Variants in AMDHD1 observed in about 807,000 individuals in gnomAD.
AMDHD1 encodes amidohydrolase domain containing 1, also known as probable imidazolonepropionase.
A neutral mutation model predicts 44.1 loss-of-function variants in AMDHD1; 45 were observed. That is an observed-to-expected ratio of 1.02 (90% CI 0.80 to 1.31). The LOEUF (loss-of-function observed/expected upper bound fraction) is 1.31, where lower values mean the gene tolerates loss of function less well. AMDHD1 is among the 50% of genes most tolerant of loss of function. AMDHD1 has a pLI of 0.00. For missense variants in AMDHD1, 586 were observed against 552.1 expected (o/e 1.06, Z -0.61); for synonymous variants, 206 against 205.0 (o/e 1.00, Z -0.04).
At chr12:95,948,691 C>A (rs1434767275) in intron 1 of AMDHD1, among the ~76,000 whole-genome samples, 1 of 70,210 alleles carries the variant, frequency 1.4e-5, no homozygotes, top group African/African-American at 7.4e-5. Flanking sequence ...AATAGAAAGG[C>A]GGGAAAGGCG....
chr12:95,949,170 A>AAAAAAAAAAAAC (rs2080515630), intron 1 of AMDHD1, among the ~76,000 whole-genome samples: 1 of 19,354 alleles, frequency 5.2e-5, no homozygotes, highest in Non-Finnish European at 8.2e-5. Flanking sequence ...GAAAAAAAAA[A>AAAAAAAAAAAAC]AAAAAAAAGA....
At chr12:95,966,278 GT>G in intron 7 of AMDHD1, 69 bp from the exon 8 acceptor site, 1 of 1,566,394 alleles carries the variant, frequency 6.4e-7, no homozygotes, top group Non-Finnish European at 8.7e-7. Flanking sequence ...GTTGTGCTGT[GT>G]TGAGAAATGT....
At chr12:95,954,592 T>C (rs963197527) in intron 2 of AMDHD1, among the ~76,000 whole-genome samples, 2 of 151,620 alleles carry the variant, frequency 1.3e-5, no homozygotes, top group Admixed American at 6.6e-5. Context: ...TAAAATAAAA[T>C]AAAATAAAAT....
chr12:95,946,061 C>CTCTCTGTGTGTGTG (rs1403742643), intron 1 of AMDHD1, among the ~76,000 whole-genome samples: 185 of 122,580 alleles, frequency 1.5e-3, no homozygotes, highest in African/African-American at 4.8e-3. Context: ...CTCTTTCTCT[C>CTCTCTGTGTGTGTG]TGTGTGTGTG....
At position 95,943,472 on chromosome 12, in the gene AMDHD1, TCCTGGCGCGGGATGCGCTGCGCAG is replaced by T. The variant is rs2080475528; in HGVS notation, c.82_105del (p.Arg28_Ala35del). The T allele has an allele frequency of 5.3e-6, 8 of 1,504,284 alleles. No homozygotes were observed. The highest frequency in any genetic ancestry group is 1.2e-5 in the South Asian group (1 of 81,340). The allele number at this position is 1,504,284 out of a possible 1,614,324, so 93.2% of individuals were successfully genotyped here. ...CTGGTGTGCGCCCGCGGCGAGCGCT[TCCTGGCGCGGGATGCGCTGCGCAG>T]CCTGGCGGTGCTGGAAGGCGCCAGC... On this transcript the variant is annotated inframe_deletion, in exon 1 of 9. Coordinates refer to ENST00000266736, the MANE Select transcript of AMDHD1 (RefSeq NM_152435.3).
At chr12:95,951,240 C>G (rs1592821980) in intron 1 of AMDHD1, among the ~76,000 whole-genome samples, 2 of 152,206 alleles carry the variant, frequency 1.3e-5, no homozygotes, top group East Asian at 3.8e-4. Flanking sequence ...CTCTCCCCTT[C>G]TATTCTTCCC....
intron 1 of AMDHD1, among the ~76,000 whole-genome samples, chr12:95,949,127 TAAAAAAATAAATTAAAAAAA>T (rs1468026971): frequency 6.3e-4 from 1 of 1,578 alleles, no homozygotes; most frequent in African/African-American, 6.6e-3. Flanking sequence ...GAATTATCAA[TAAAAAAATAAATTAAAAAAA>T]AAAAAAAAAA....
At chr12:95,959,343 G>A (rs1173120816) in intron 4 of AMDHD1, among the ~76,000 whole-genome samples, 1 of 152,204 alleles carries the variant, frequency 6.6e-6, no homozygotes, top group Non-Finnish European at 1.5e-5. Flanking sequence ...GTGTCTACCA[G>A]ACTCTAAAAG....
chr12:95,953,605 A>G (rs1258305358), intron 2 of AMDHD1, among the ~76,000 whole-genome samples: 1 of 152,116 alleles, frequency 6.6e-6, no homozygotes, highest in Non-Finnish European at 1.5e-5. Context: ...TTATTTTGAG[A>G]CAGTCTCACT....
intron 1 of AMDHD1, among the ~76,000 whole-genome samples, chr12:95,950,137 T>C (rs1273034394): frequency 6.6e-6 from 1 of 152,220 alleles, no homozygotes; most frequent in Non-Finnish European, 1.5e-5. Flanking sequence ...CAATTTCTAA[T>C]CCTGCCGGTC....
intron 7 of AMDHD1, 61 bp downstream of exon 7, chr12:95,965,840 A>T: frequency 8.7e-7 from 1 of 1,149,082 alleles, no homozygotes; most frequent in Admixed American, 2.5e-5. Context: ...TAAATAATTT[A>T]AAAATATTTC....
At chr12:95,943,586 C>T (rs2080476877) in intron 1 of AMDHD1, 51 bp downstream of exon 1, 3 of 1,399,942 alleles carry the variant, frequency 2.1e-6, no homozygotes, top group Non-Finnish European at 2.8e-6. Flanking sequence ...GAGCTGGCCG[C>T]TCTTCCTCTC....
chr12:95,967,175 A>G (rs576301796), intron 8 of AMDHD1, among the ~76,000 whole-genome samples: 4 of 152,336 alleles, frequency 2.6e-5, no homozygotes, highest in Admixed American at 2.0e-4. Flanking sequence ...GGGAACTCCC[A>G]TTCATAAAAA....
At chr12:95,966,153 G>A (rs777491703) in intron 7 of AMDHD1, among the ~76,000 whole-genome samples, 195 bp from the exon 8 acceptor site, 3 of 152,174 alleles carry the variant, frequency 2.0e-5, no homozygotes, top group South Asian at 2.1e-4. Context: ...TATTAAATAC[G>A]CAATCCCTAT....
chr12:95,953,173 A>C (rs934276420), intron 2 of AMDHD1, among the ~76,000 whole-genome samples: 1 of 152,228 alleles, frequency 6.6e-6, no homozygotes, highest in South Asian at 2.1e-4. Context: ...CATGCTGAAT[A>C]GAAACCAGCT....
chr12:95,968,541 A>G lies in AMDHD1; in HGVS notation c.*698A>G, dbSNP rs901259514. On this transcript the variant is annotated 3_prime_UTR_variant, in exon 9 of 9. Coordinates refer to ENST00000266736, the MANE Select transcript of AMDHD1 (RefSeq NM_152435.3). Reference sequence around the variant, plus strand: ...AAAATTTTCGATTCTTTACATTACAATTGGGTGAAACACATTTTACAGCTC... The same window carrying G: ...AAAATTTTCGATTCTTTACATTACAGTTGGGTGAAACACATTTTACAGCTC... The G allele has an allele frequency of 2.6e-5, 4 of 152,200 alleles. No homozygotes were observed. The highest frequency in any genetic ancestry group is 4.8e-5 in the African/African-American group (2 of 41,454). The allele number at this position is 152,200 out of a possible 1,614,324, so 9.4% of individuals were successfully genotyped here. A position where few individuals can be genotyped will look rare whatever the true frequency, so the allele number is the denominator to read the frequency against.
chr12:95,947,693 A>G (rs1168658779), intron 1 of AMDHD1, among the ~76,000 whole-genome samples: 22 of 37,304 alleles, frequency 5.9e-4, no homozygotes, highest in South Asian at 2.4e-3. Flanking sequence ...CCGGCCAGCC[A>G]CCCCGTCCGG....
At chr12:95,952,319 C>T (rs982605964) in intron 1 of AMDHD1, among the ~76,000 whole-genome samples, 22 of 152,138 alleles carry the variant, frequency 1.4e-4, no homozygotes, top group African/African-American at 5.3e-4. Context: ...TGTCTTTTCC[C>T]CAATGTACGT....
intron 1 of AMDHD1, among the ~76,000 whole-genome samples, chr12:95,950,342 TTCCA>T (rs2080520622): frequency 6.6e-6 from 1 of 152,210 alleles, no homozygotes. Context: ...CATCTTCTCT[TTCCA>T]TCCAGTTTCT....
Sources: gnomAD v4.1 joint callset for allele counts (sites outside exome capture counted in the v4.1 genomes callset) on GRCh38, gnomAD v4.1.1 for gene constraint, MANE v1.5 for transcripts, NCBI Gene and HGNC (gene_info 2026-07-23, HGNC 2026-07-21) for gene names.